The following UROS variants were observed in gnomAD, a reference collection of about 807,000 sequenced individuals.
UROS encodes the protein uroporphyrinogen III synthase, also known as uroporphyrinogen-III synthase.
A neutral mutation model predicts 33.0 loss-of-function variants in UROS; 18 were observed. The ratio of observed to expected loss-of-function variants is 0.55; its 90% CI spans 0.38 to 0.81. The LOEUF is 0.81. UROS is among the 30% of genes least tolerant of loss of function. The pLI, the probability that UROS is intolerant of heterozygous loss-of-function variation, is 0.00. For synonymous variants in UROS, 114 were observed against 121.1 expected (o/e 0.94, Z 0.38); for missense variants, 293 against 314.9 (o/e 0.93, Z 0.53).
chr10:125,822,029 G>T (rs1041835398), intron 1 of UROS, among the ~76,000 whole-genome samples: 10 of 152,170 alleles, frequency 6.6e-5, no homozygotes, highest in Admixed American at 6.5e-5. Context: ...ATGTTACCCT[G>T]CTTAAACAGA....
intron 1 of UROS, among the ~76,000 whole-genome samples, chr10:125,822,021 G>A (rs1174875115): frequency 1.3e-5 from 2 of 152,170 alleles, no homozygotes; most frequent in African/African-American, 4.8e-5. Context: ...TTTATCAGAT[G>A]TTACCCTGCT....
At chr10:125,804,840 G>A (rs59115650) in intron 6 of UROS, among the ~76,000 whole-genome samples, 3 of 152,186 alleles carry the variant, frequency 2.0e-5, no homozygotes, top group Non-Finnish European at 4.4e-5. Flanking sequence ...CACGGTTACT[G>A]ATGTATATGT....
chr10:125,807,705 T>C (rs1415655924), intron 5 of UROS, among the ~76,000 whole-genome samples: 1 of 152,144 alleles, frequency 6.6e-6, no homozygotes, highest in Non-Finnish European at 1.5e-5. Flanking sequence ...GCTGGGTAAG[T>C]AAGGCCTTAA....
chr10:125,786,752 C>T (rs766707548), downstream of UROS, among the ~76,000 whole-genome samples: 14 of 152,146 alleles, frequency 9.2e-5, no homozygotes, highest in Non-Finnish European at 1.5e-4. Context: ...ACTGCAGTCC[C>T]GTGGGAGGGT....
At chr10:125,790,549 C>T (rs1330184837) in intron 9 of UROS, among the ~76,000 whole-genome samples, 4 of 152,202 alleles carry the variant, frequency 2.6e-5, no homozygotes, top group Non-Finnish European at 5.9e-5. Flanking sequence ...TAGCTCATGC[C>T]TGTAATCCCA....
At chr10:125,819,988 T>G (rs557841874) in intron 1 of UROS, among the ~76,000 whole-genome samples, 1 of 151,626 alleles carries the variant, frequency 6.6e-6, no homozygotes, top group South Asian at 2.1e-4. Flanking sequence ...AAAAAAAAAA[T>G]GACTGGAATA....
intron 1 of UROS, among the ~76,000 whole-genome samples, chr10:125,821,395 A>C (rs1415746012): frequency 1.3e-5 from 2 of 152,256 alleles, no homozygotes; most frequent in African/African-American, 4.8e-5. Context: ...AAGGAAGAAT[A>C]TTGTGTTACT....
At chr10:125,802,680 G>A (rs979792053) in intron 6 of UROS, 1 of 1,260,848 alleles carries the variant, frequency 7.9e-7, no homozygotes, top group Non-Finnish European at 1.0e-6. Context: ...GCTTGAAAAT[G>A]TCTCACAGTG....
chr10:125,793,673 T>C (rs1302469199), intron 9 of UROS: 2 of 152,144 alleles, frequency 1.3e-5, no homozygotes, highest in Non-Finnish European at 2.9e-5. Flanking sequence ...CAGCCTCCCA[T>C]GTAGCTGGGA....
chr10:125,787,007 C>T (rs184464792), downstream of UROS, among the ~76,000 whole-genome samples: 26 of 152,342 alleles, frequency 1.7e-4, no homozygotes, highest in East Asian at 4.6e-3. Flanking sequence ...GCTCATCTCC[C>T]GCCCCGTATG....
At chr10:125,808,783 C>A (rs780665902) in intron 5 of UROS, among the ~76,000 whole-genome samples, 2 of 152,234 alleles carry the variant, frequency 1.3e-5, no homozygotes, top group Non-Finnish European at 2.9e-5. Context: ...TTTGTGAGGG[C>A]AGAGACTGGG....
At chr10:125,802,363 G>A (rs192683856) in intron 6 of UROS, 752 of 985,848 alleles carry the variant, frequency 7.6e-4, no homozygotes, top group Admixed American at 9.8e-4. Context: ...ACACCTGGCT[G>A]AATAAAAGAG....
chr10:125,810,505 G>C (rs771179535), intron 5 of UROS, among the ~76,000 whole-genome samples: 1 of 152,142 alleles, frequency 6.6e-6, no homozygotes, highest in African/African-American at 2.4e-5. Context: ...CCATGGCCTG[G>C]TTACAGAGAA....
At chr10:125,802,643 T>A in intron 6 of UROS, 2 of 1,117,894 alleles carry the variant, frequency 1.8e-6, no homozygotes, top group Non-Finnish European at 2.2e-6. Flanking sequence ...TACCACAGAT[T>A]ACAGTCTCCT....
Sources: allele counts gnomAD v4.1 joint callset (sites outside exome capture counted in the v4.1 genomes callset), GRCh38; gene constraint gnomAD v4.1.1; transcripts MANE v1.5; gene names NCBI Gene and HGNC (gene_info 2026-07-23, HGNC 2026-07-21).